The following AFDN variants were observed in gnomAD, a reference collection of about 807,000 sequenced individuals.
AFDN encodes the protein afadin.
In AFDN, 68 loss-of-function variants were observed where a neutral mutation model predicts 216.6. The observed-to-expected ratio is 0.31, with a 90% CI of 0.26 to 0.38. The LOEUF (loss-of-function observed/expected upper bound fraction) is 0.38, where lower values mean the gene tolerates loss of function less well. Among genes scored for constraint, AFDN ranks in the 10% least tolerant of loss-of-function variants. The pLI is 1.00. For synonymous variants in AFDN, 868 were observed against 853.7 expected (o/e 1.02, Z -0.29); for missense variants, 2,136 against 2,342.0 (o/e 0.91, Z 1.82).
intron 1 of AFDN, among the ~76,000 whole-genome samples, chr6:167,836,359 A>T (rs1439462458): frequency 6.6e-6 from 1 of 152,182 alleles, no homozygotes. Flanking sequence ...TAAACTCTTG[A>T]GTTAGCCAAC....
intron 30 of AFDN, among the ~76,000 whole-genome samples, chr6:167,959,866 C>T (rs1330710143): frequency 1.3e-5 from 2 of 152,136 alleles, no homozygotes; most frequent in African/African-American, 4.8e-5. Flanking sequence ...CTTGATTCAT[C>T]GGGTAATAGT....
intron 32 of AFDN, chr6:167,966,305 G>C: frequency 2.1e-6 from 3 of 1,445,706 alleles, no homozygotes; most frequent in Non-Finnish European, 2.7e-6. Context: ...AGCTCTCTTT[G>C]TCTTAATGAT....
chr6:167,877,604 G>A (rs1213287605), intron 5 of AFDN, among the ~76,000 whole-genome samples: 1 of 152,102 alleles, frequency 6.6e-6, no homozygotes, highest in African/African-American at 2.4e-5. Context: ...GCCCTTTATG[G>A]TTAATACTAA....
chr6:167,839,978 C>T (rs548128465), intron 1 of AFDN, among the ~76,000 whole-genome samples: 92 of 152,178 alleles, frequency 6.0e-4, no homozygotes, highest in Middle Eastern at 3.4e-3. Context: ...ACAGTGGTGC[C>T]GCGCTGAGCA....
intron 1 of AFDN, 43 bp downstream of exon 1, chr6:167,827,280 TGCGCC>T (rs1232354842): frequency 3.5e-6 from 3 of 848,916 alleles, no homozygotes; most frequent in African/African-American, 2.0e-5. Flanking sequence ...CCCCGCCCGC[TGCGCC>T]GCGCCCCGCC....
chr6:167,914,024 G>T, intron 16 of AFDN, 144 bp from the exon 17 acceptor site: 1 of 764,206 alleles, frequency 1.3e-6, no homozygotes, highest in Admixed American at 3.1e-5. Context: ...AAATTATTTT[G>T]CAAATATCTG....
intron 23 of AFDN, among the ~76,000 whole-genome samples, chr6:167,937,739 C>T (rs1341150821): frequency 6.6e-6 from 1 of 152,200 alleles, no homozygotes; most frequent in Non-Finnish European, 1.5e-5. Context: ...TAAAAGGGCA[C>T]ATTGGGTGCC....
intron 23 of AFDN, among the ~76,000 whole-genome samples, chr6:167,929,877 G>T (rs1444317796): frequency 6.6e-6 from 1 of 152,198 alleles, no homozygotes; most frequent in Non-Finnish European, 1.5e-5. Flanking sequence ...AAAACTGGAA[G>T]AAAGAAAAGG....
chr6:167,953,328 A>G (rs976910204), intron 30 of AFDN, among the ~76,000 whole-genome samples: 3 of 152,164 alleles, frequency 2.0e-5, no homozygotes, highest in African/African-American at 7.2e-5. Context: ...GTGAGTCCTT[A>G]GATCCTTGGA....
chr6:167,891,849 C>T (rs1047954653), intron 8 of AFDN, among the ~76,000 whole-genome samples: 1 of 151,716 alleles, frequency 6.6e-6, no homozygotes, highest in Non-Finnish European at 1.5e-5. Context: ...GTGGTGCACC[C>T]CCATCCCAAG....
rs35550837 is a variant in AFDN, at chr6:167,947,824, CTT to C, written c.3554-20_3554-19del. The C allele has an allele frequency of 1.2e-3, 1,643 of 1,405,578 alleles. 13 individuals are homozygous for C. In the African/African-American group the frequency reaches 0.017, roughly 15 times the overall value. The allele number at this position is 1,405,578 out of a possible 1,614,324, so 87.1% of individuals were successfully genotyped here. On this transcript the variant is annotated intron_variant, in intron 27 of 33. Coordinates refer to ENST00000683244, the MANE Select transcript of AFDN (RefSeq NM_001386888.1). ...TATAGGTTGTTTATTTAATATTACA[CTT>C]TTTTTTTTCCCCCCTGACTTGAGCA...
chr6:167,954,029 TTTTA>T (rs1279522206), intron 30 of AFDN, among the ~76,000 whole-genome samples: 2 of 152,212 alleles, frequency 1.3e-5, no homozygotes, highest in African/African-American at 2.4e-5. Context: ...AGGACTAAAC[TTTTA>T]TTTAAAGGTC....
intron 9 of AFDN, 71 bp from the exon 10 acceptor site, chr6:167,896,807 T>C: frequency 1.1e-6 from 1 of 908,060 alleles, no homozygotes; most frequent in Middle Eastern, 2.8e-4. Flanking sequence ...GATAACCTTT[T>C]GTTTGTTGGA....
intron 30 of AFDN, chr6:167,954,328 A>G: frequency 3.4e-6 from 2 of 587,258 alleles, no homozygotes; most frequent in South Asian, 6.3e-5. Flanking sequence ...TACCTTTCTC[A>G]TCAAGTTGTC....
rs372894730 is a variant in AFDN, at chr6:167,863,494, T to C, written c.106-1057T>C. Among the ~76,000 whole-genome samples the C allele has an allele frequency of 4.0e-3, 602 of 152,352 alleles. 4 individuals are homozygous for C. Among genetic ancestry groups the C allele is most frequent in the African/African-American group, 0.014 (580 of 41,584 alleles). On this transcript the variant is annotated intron_variant, in intron 1 of 33. Coordinates refer to ENST00000683244, the MANE Select transcript of AFDN (RefSeq NM_001386888.1). ...CATTGCAAAATGTAAAGCCAAGGAA[T>C]GATGTGTTGTGACTTAGTTTGAACA... is the stretch of plus-strand genomic sequence containing the variant.
In AFDN at chr6:167,966,040, T is replaced by C. The variant is rs1797519621; in HGVS notation, c.5252T>C (p.Leu1751Pro). Residue 1751 changes from leucine to proline, a missense_variant, in exon 32 of 34, where the codon CTA becomes CCA. This residue lies in a region of AFDN where 981 missense variants were observed against 966.0 expected (regional missense o/e 1.02). Transcript: ENST00000683244. The part of the protein sequence containing the change: ...NEEEEEEDCS[L>P]AGPNSYPGST... ...GAGGAGGAGGAGGAGGACTGCAGCC[T>C]AGCAGGTCAGGATAAGTACTCCAGC... 6.5e-7 allele frequency: 1 copy of C among 1,545,138 alleles called. No homozygotes were observed. Among genetic ancestry groups the C allele is most frequent in the East Asian group, 2.4e-5 (1 of 40,908 alleles).
intron 9 of AFDN, 65 bp downstream of exon 9, chr6:167,893,971 T>C: frequency 8.2e-7 from 1 of 1,218,672 alleles, no homozygotes; most frequent in Non-Finnish European, 1.2e-6. Flanking sequence ...GGCAGAATAG[T>C]GTTGAATGAC....
At chr6:167,853,126 G>A (rs1782499065) in intron 1 of AFDN, among the ~76,000 whole-genome samples, 1 of 152,008 alleles carries the variant, frequency 6.6e-6, no homozygotes, top group Non-Finnish European at 1.5e-5. Context: ...AAACTAGGAG[G>A]TATTTATATT....
chr6:167,827,236 A>T lies in AFDN; in HGVS notation c.104A>T (p.Glu35Val), dbSNP rs1406919329. The T allele has an allele frequency of 8.5e-7, 1 of 1,175,666 alleles. No individual in the cohort carries two copies. The highest frequency in any genetic ancestry group is 1.1e-6 in the Non-Finnish European group (1 of 922,768). The allele number at this position is 1,175,666 out of a possible 1,614,324, so 72.8% of individuals were successfully genotyped here. ...CTGTTCGAGATCAGCCAGCCGACCG[A>T]GGTGAGCACCGCCGGGCGCGGGGCC... The part of the protein sequence containing the change: ...LDLFEISQPT[E>V]DLEFHGVMRF... Residue 35 changes from glutamate (E) to valine (V), a missense_variant and splice_region_variant, in exon 1 of 34, where the codon GAG becomes GTG. Around this residue, in one of 8 missense-constraint regions of AFDN, gnomAD observed 81 missense variants for 51.2 expected, o/e 1.58. Coordinates refer to ENST00000683244, the MANE Select transcript of AFDN (RefSeq NM_001386888.1).
Sources: gnomAD v4.1 joint callset for allele counts (sites outside exome capture counted in the v4.1 genomes callset) on GRCh38, gnomAD v4.1.1 for gene constraint, gnomAD v4.1.1 regional missense constraint, MANE v1.5 for transcripts, NCBI Gene and HGNC (gene_info 2026-07-23, HGNC 2026-07-21) for gene names.